ZNF385D: variants seen among roughly 807,000 people sequenced by gnomAD.
ZNF385D encodes zinc finger protein 385D.
Under a neutral mutation model 35.8 loss-of-function variants are expected in ZNF385D, and 15 were observed. The ratio of observed to expected loss-of-function variants is 0.42; its 90% CI spans 0.28 to 0.64. The LOEUF (loss-of-function observed/expected upper bound fraction) is 0.64, where lower values mean the gene tolerates loss of function less well. Among genes scored for constraint, ZNF385D ranks in the 30% least tolerant of loss-of-function variants. ZNF385D has a pLI of 0.23. For missense variants in ZNF385D, 474 were observed against 494.6 expected, an observed-to-expected ratio of 0.96 and a Z score of 0.39; for synonymous variants, 212 against 186.8, an observed-to-expected ratio of 1.13 and a Z score of -1.10.
chr3:22,246,628 T>C (rs570659936), intron 2 of ZNF385D, among the ~76,000 whole-genome samples: 2 of 152,316 alleles, frequency 1.3e-5, no homozygotes, highest in South Asian at 2.1e-4. Context: ...GCTTGACATG[T>C]ACACTAAATC....
chr3:21,915,965 T>A (rs1243012191), intron 3 of ZNF385D, among the ~76,000 whole-genome samples: 2 of 152,122 alleles, frequency 1.3e-5, no homozygotes, highest in African/African-American at 4.8e-5. Context: ...CTAAAATGGT[T>A]TCATCAAATT....
chr3:22,019,268 T>C (rs183985216), intron 3 of ZNF385D, among the ~76,000 whole-genome samples: 2 of 151,864 alleles, frequency 1.3e-5, no homozygotes, highest in Admixed American at 1.3e-4. Context: ...AGAATTTCTT[T>C]AAGCTCAAAT....
At chr3:22,162,911 T>C (rs551502329) in intron 3 of ZNF385D, among the ~76,000 whole-genome samples, 30 of 152,162 alleles carry the variant, frequency 2.0e-4, no homozygotes, top group Non-Finnish European at 3.5e-4. Flanking sequence ...GAGTCTAAGA[T>C]GATTTTGTGT....
intron 3 of ZNF385D, among the ~76,000 whole-genome samples, chr3:21,884,317 C>T (rs368784223): frequency 1.3e-5 from 2 of 151,916 alleles, no homozygotes; most frequent in South Asian, 4.1e-4. Context: ...CTGAAAGTAG[C>T]CTTGCCTAAG....
At chr3:21,754,401 G>T (rs944908029), upstream of ZNF385D, among the ~76,000 whole-genome samples, 4 of 152,136 alleles carry the variant, frequency 2.6e-5, no homozygotes, top group Admixed American at 2.6e-4. Flanking sequence ...TTCATCTGGG[G>T]TCAGCTGTAG....
intron 2 of ZNF385D, chr3:22,169,086 C>T (rs539352587): frequency 1.2e-6 from 1 of 849,726 alleles, no homozygotes; most frequent in South Asian, 5.4e-5. Flanking sequence ...TTTTAGATTA[C>T]TGCATATTTA....
At chr3:21,529,089 C>T (rs934984331) in intron 3 of ZNF385D, among the ~76,000 whole-genome samples, 8 of 151,952 alleles carry the variant, frequency 5.3e-5, no homozygotes, top group Non-Finnish European at 1.2e-4. Context: ...TGGATAAACC[C>T]AAATCACTTT....
chr3:21,652,361 C>T (rs923669401), intron 2 of ZNF385D, among the ~76,000 whole-genome samples: 5 of 152,110 alleles, frequency 3.3e-5, no homozygotes, highest in Admixed American at 3.3e-4. Context: ...CATGTCATGT[C>T]AGATAATACA....
chr3:21,975,552 T>G (rs949642806), intron 3 of ZNF385D, among the ~76,000 whole-genome samples: 1 of 151,926 alleles, frequency 6.6e-6, no homozygotes, highest in African/African-American at 2.4e-5. Context: ...AGCATATAAT[T>G]TGGTTGTAAC....
intron 2 of ZNF385D, among the ~76,000 whole-genome samples, chr3:22,256,050 G>A (rs1324568422): frequency 1.3e-5 from 2 of 151,528 alleles, no homozygotes; most frequent in Non-Finnish European, 2.9e-5. Context: ...AGAAAAACTG[G>A]CTTAGCTTCC....
chr3:22,338,238 A>ATAC (rs1461708768), intron 2 of ZNF385D, among the ~76,000 whole-genome samples: 3 of 152,224 alleles, frequency 2.0e-5, no homozygotes, highest in African/African-American at 7.2e-5. Flanking sequence ...ACTTAGTTTT[A>ATAC]TGTACAGTAT....
At chr3:22,121,008 C>T (rs940209723) in intron 3 of ZNF385D, among the ~76,000 whole-genome samples, 3 of 152,114 alleles carry the variant, frequency 2.0e-5, no homozygotes, top group African/African-American at 4.8e-5. Context: ...CTGAAAATAA[C>T]ACATAGAAAT....
intron 3 of ZNF385D, among the ~76,000 whole-genome samples, chr3:22,002,738 A>G (rs1695932129): frequency 6.6e-6 from 1 of 152,154 alleles, no homozygotes; most frequent in Non-Finnish European, 1.5e-5. Flanking sequence ...AAGATAATAC[A>G]CCAGGATCAA....
intron 3 of ZNF385D, among the ~76,000 whole-genome samples, chr3:21,809,669 T>TATACATACACAA (rs1471121683): frequency 8.4e-4 from 125 of 149,358 alleles, no homozygotes; most frequent in African/African-American, 3.0e-3. Flanking sequence ...TATATACACA[T>TATACATACACAA]ATATACACAC....
chr3:22,082,935 G>A (rs540189182), intron 3 of ZNF385D, among the ~76,000 whole-genome samples: 11 of 152,320 alleles, frequency 7.2e-5, no homozygotes, highest in African/African-American at 2.6e-4. Context: ...CAGGCAAACA[G>A]GGTCTGGGGT....
chr3:22,044,317 G>T (rs1117), intron 3 of ZNF385D, among the ~76,000 whole-genome samples: 86,713 of 151,754 alleles, frequency 0.57, 25,027 homozygotes, highest in East Asian at 0.76. Context: ...ATTTTAAAAC[G>T]ATTTCTCTAA....
At chr3:21,567,781 C>T (rs140124611) in intron 2 of ZNF385D, among the ~76,000 whole-genome samples, 86 of 152,102 alleles carry the variant, frequency 5.7e-4, no homozygotes, top group Non-Finnish European at 1.0e-3. Context: ...AGATGCTCTC[C>T]GAAAATACAT....
intron 4 of ZNF385D, among the ~76,000 whole-genome samples, chr3:21,483,187 T>C (rs573683502): frequency 1.3e-4 from 20 of 152,208 alleles, no homozygotes; most frequent in Non-Finnish European, 2.1e-4. Context: ...CTGGGAACTA[T>C]GCTATGTCTT....
chr3:21,719,467 G>A (rs534263627), intron 1 of ZNF385D, among the ~76,000 whole-genome samples: 1 of 152,244 alleles, frequency 6.6e-6, no homozygotes, highest in African/African-American at 2.4e-5. Flanking sequence ...TCTCCAGTAG[G>A]GAATTTCCTC....
Sources: gnomAD v4.1 joint callset for allele counts (sites outside exome capture counted in the v4.1 genomes callset) on GRCh38, gnomAD v4.1.1 for gene constraint, MANE v1.5 for transcripts, NCBI Gene and HGNC (gene_info 2026-07-23, HGNC 2026-07-21) for gene names.